The following ADAMTSL1 variants were observed in gnomAD, a reference collection of about 807,000 sequenced individuals.
ADAMTSL1 encodes the protein ADAMTS-like protein 1.
In ADAMTSL1, 126 loss-of-function variants were observed where a neutral mutation model predicts 201.8. The observed-to-expected ratio is 0.62, with a 90% confidence interval of 0.54 to 0.72. ADAMTSL1 has a LOEUF of 0.72. Ranked by LOEUF, ADAMTSL1 falls within the 30% of genes least tolerant of loss-of-function variation. The probability of loss-of-function intolerance (pLI) is 0.00; values close to 1 mark genes in which losing one functional copy is unlikely to be tolerated. For missense variants in ADAMTSL1, 2,679 were observed against 2,277.8 expected (o/e 1.18, Z -3.59); for synonymous variants, 1,121 against 903.4 (o/e 1.24, Z -4.32).
intron 1 of ADAMTSL1, among the ~76,000 whole-genome samples, chr9:18,117,800 A>G (rs1055693099): frequency 6.6e-6 from 1 of 152,194 alleles, no homozygotes; most frequent in African/African-American, 2.4e-5. Context: ...TTGAATAAAC[A>G]AAAAATGAAT....
At chr9:18,629,013 C>G (rs1826569878) in intron 5 of ADAMTSL1, among the ~76,000 whole-genome samples, 1 of 152,116 alleles carries the variant, frequency 6.6e-6, no homozygotes, top group Non-Finnish European at 1.5e-5. Context: ...ACAGGAGTTA[C>G]TGCGCTTGGC....
At chr9:18,475,118 TG>T (rs1452351503) in intron 1 of ADAMTSL1, among the ~76,000 whole-genome samples, 1 of 152,216 alleles carries the variant, frequency 6.6e-6, no homozygotes, top group Non-Finnish European at 1.5e-5. Context: ...CAGAGTGTTC[TG>T]GGCAGGCAGC....
chr9:18,213,591 A>G (rs1424830048), intron 2 of ADAMTSL1, among the ~76,000 whole-genome samples: 1 of 152,182 alleles, frequency 6.6e-6, no homozygotes, highest in African/African-American at 2.4e-5. Flanking sequence ...GTAACTAGAA[A>G]ATGAGGACGT....
At chr9:18,217,793 C>T (rs1830107454) in intron 2 of ADAMTSL1, among the ~76,000 whole-genome samples, 1 of 152,064 alleles carries the variant, frequency 6.6e-6, no homozygotes, top group Non-Finnish European at 1.5e-5. Context: ...AGAAATGCGG[C>T]TAATGGCTGA....
At chr9:18,138,933 T>A (rs1826275908) in intron 1 of ADAMTSL1, among the ~76,000 whole-genome samples, 1 of 151,994 alleles carries the variant, frequency 6.6e-6, no homozygotes, top group Non-Finnish European at 1.5e-5. Flanking sequence ...TGTGTATGAG[T>A]GTGAATATGT....
chr9:18,184,716 G>A (rs1028005910), intron 2 of ADAMTSL1, among the ~76,000 whole-genome samples: 5 of 152,082 alleles, frequency 3.3e-5, no homozygotes, highest in Non-Finnish European at 5.9e-5. Context: ...TTTTCACAAC[G>A]CATCTATAGA....
chr9:18,415,132 TA>T (rs1323556187), intron 2 of ADAMTSL1, among the ~76,000 whole-genome samples: 1 of 152,142 alleles, frequency 6.6e-6, no homozygotes, highest in East Asian at 1.9e-4. Context: ...GAAATTTCTA[TA>T]CCCAACAAGA....
chr9:17,909,739 C>A lies in ADAMTSL1; in HGVS notation c.87+2817C>A, dbSNP rs368658071. On this transcript the variant is annotated intron_variant, in intron 1 of 29. Coordinates refer to the ADAMTSL1 transcript ENST00000680146. ...CAGTAAACTATCACAAAACAAAAAACCAAACACTGCATATTCTCACTCATA... is the reference window on the plus strand; with the variant it reads ...CAGTAAACTATCACAAAACAAAAAAACAAACACTGCATATTCTCACTCATA... Among the ~76,000 whole-genome samples the A allele has an allele frequency of 5.1e-3, 335 of 65,516 alleles. 6 individuals carry two copies. Among genetic ancestry groups the A allele is most frequent in the African/African-American group, 0.01 (324 of 31,960 alleles). The allele number at this position is 65,516 out of a possible 152,430, so 43.0% of individuals were successfully genotyped here.
chr9:18,167,061 A>C (rs1301112329), intron 2 of ADAMTSL1, among the ~76,000 whole-genome samples: 1 of 151,972 alleles, frequency 6.6e-6, no homozygotes, highest in Non-Finnish European at 1.5e-5. Flanking sequence ...CTAAACTTCC[A>C]GTGATTGCCT....
At chr9:18,881,511 A>G (rs78169421) in intron 23 of ADAMTSL1, among the ~76,000 whole-genome samples, 6,034 of 152,276 alleles carry the variant, frequency 0.04, 367 homozygotes, top group African/African-American at 0.13. Flanking sequence ...TTATCAATTA[A>G]GTTCATCTTT....
rs879848307 is a variant in ADAMTSL1 at position 18,642,202 on chromosome 9, AT to A, written c.834+2800del. ...AGAGCTATCCAACAGCTATCTGAAG[AT>A]TTTTTTTTCTTCAAGGCATGGCAGG... On this transcript the variant is annotated intron_variant, in intron 7 of 28. Coordinates refer to ENST00000380548, the MANE Select transcript of ADAMTSL1 (RefSeq NM_001040272.6). 5.4e-3 allele frequency among the ~76,000 whole-genome samples: 815 copies of A among 151,562 alleles called. 6 individuals carry two copies. The highest frequency in any genetic ancestry group is 0.019 in the African/African-American group (768 of 41,328).
rs560778848 is a variant in ADAMTSL1, at chr9:18,412,766, C to T, written c.208-92063C>T. ...ATTCTATTTCCTTTTGACATAATTT[C>T]ATTCATGTTTAAAAGCCTCTGCTTT... On this transcript the variant is annotated intron_variant, in intron 2 of 29. Transcript: ENST00000680146. Among the ~76,000 whole-genome samples, 3 of 152,262 alleles carry T rather than the reference C, an allele frequency of 2.0e-5. No individual in the cohort carries two copies. The South Asian group carries it at 6.2e-4, about 32-fold the overall frequency.
chr9:18,244,571 TCC>T (rs1013367956), intron 2 of ADAMTSL1, among the ~76,000 whole-genome samples: 1 of 152,026 alleles, frequency 6.6e-6, no homozygotes, highest in Non-Finnish European at 1.5e-5. Context: ...AAATATATGA[TCC>T]CTCACTCTTC....
intron 1 of ADAMTSL1, among the ~76,000 whole-genome samples, chr9:18,008,925 G>A (rs945196704): frequency 1.6e-4 from 25 of 152,062 alleles, no homozygotes; most frequent in East Asian, 2.0e-4. Flanking sequence ...TCATTAGATC[G>A]TTTGTCTAGA....
At chr9:18,248,460 T>G (rs1341324496) in intron 2 of ADAMTSL1, among the ~76,000 whole-genome samples, 7 of 152,024 alleles carry the variant, frequency 4.6e-5, no homozygotes. Flanking sequence ...CAAAACACTG[T>G]TCTATGTTAT....
At chr9:18,476,538 T>G (rs1342858653) in intron 1 of ADAMTSL1, among the ~76,000 whole-genome samples, 1 of 152,166 alleles carries the variant, frequency 6.6e-6, no homozygotes, top group Admixed American at 6.5e-5. Context: ...AGCATTAAAT[T>G]TAATTATTGG....
At chr9:18,290,935 C>A (rs578059036) in intron 2 of ADAMTSL1, among the ~76,000 whole-genome samples, 1 of 152,056 alleles carries the variant, frequency 6.6e-6, no homozygotes, top group African/African-American at 2.4e-5. Flanking sequence ...GTGCCTGCCA[C>A]GGCGCCTGGC....
At chr9:18,833,115 A>C (rs1452142717) in intron 23 of ADAMTSL1, among the ~76,000 whole-genome samples, 1 of 152,238 alleles carries the variant, frequency 6.6e-6, no homozygotes, top group Middle Eastern at 3.2e-3. Context: ...TGAGCAACAC[A>C]TGCACAGGCC....
intron 2 of ADAMTSL1, among the ~76,000 whole-genome samples, chr9:18,393,976 G>A (rs1817644502): frequency 1.3e-5 from 2 of 152,116 alleles, no homozygotes; most frequent in Admixed American, 6.5e-5. Flanking sequence ...ATAAGGTTTC[G>A]GGTTACTTTG....
Sources: allele counts gnomAD v4.1 joint callset (sites outside exome capture counted in the v4.1 genomes callset), GRCh38; gene constraint gnomAD v4.1.1; transcripts MANE v1.5; gene names NCBI Gene and HGNC (gene_info 2026-07-23, HGNC 2026-07-21).